The following SLC35F1 variants were observed in gnomAD, a reference collection of about 807,000 sequenced individuals.
The protein encoded by SLC35F1 is solute carrier family 35 member F1.
Under a neutral mutation model 48.7 loss-of-function variants are expected in SLC35F1, and 14 were observed. The ratio of observed to expected loss-of-function variants is 0.29; its 90% CI spans 0.19 to 0.45. The LOEUF is 0.45. Among genes scored for constraint, SLC35F1 ranks in the 20% least tolerant of loss-of-function variants. The pLI is 1.00. For synonymous variants in SLC35F1, 190 were observed against 202.2 expected (o/e 0.94, Z 0.51); for missense variants, 404 against 500.0 (o/e 0.81, Z 1.83).
At chr6:118,209,208 T>C (rs1774973310) in intron 2 of SLC35F1, among the ~76,000 whole-genome samples, 1 of 152,232 alleles carries the variant, frequency 6.6e-6, no homozygotes. Context: ...AAAAACAGTT[T>C]TCCCTGAGTC....
intron 1 of SLC35F1, among the ~76,000 whole-genome samples, chr6:117,923,594 T>TATGTATATATACATATAC (rs1775933728): frequency 6.1e-5 from 2 of 32,736 alleles, no homozygotes; most frequent in South Asian, 6.2e-3. Flanking sequence ...TATATATACA[T>TATGTATATATACATATAC]ATGTGTATAT....
At chr6:118,265,047 C>T (rs1039307064) in intron 3 of SLC35F1, among the ~76,000 whole-genome samples, 4 of 152,246 alleles carry the variant, frequency 2.6e-5, no homozygotes, top group African/African-American at 9.6e-5. Flanking sequence ...TCCTTCCTCA[C>T]CTTATCATCT....
At chr6:117,967,767 A>G (rs1206162601) in intron 1 of SLC35F1, among the ~76,000 whole-genome samples, 1 of 152,214 alleles carries the variant, frequency 6.6e-6, no homozygotes, top group African/African-American at 2.4e-5. Context: ...ACAGCTACCA[A>G]GAAAGGGTGA....
At chr6:117,927,610 A>G (rs1303994694) in intron 1 of SLC35F1, among the ~76,000 whole-genome samples, 2 of 152,176 alleles carry the variant, frequency 1.3e-5, no homozygotes, top group Admixed American at 1.3e-4. Flanking sequence ...CTGGAAGCTG[A>G]TGAAAGTAGG....
intron 2 of SLC35F1, among the ~76,000 whole-genome samples, chr6:118,224,091 A>T (rs1775185478): frequency 6.6e-6 from 1 of 152,242 alleles, no homozygotes; most frequent in Non-Finnish European, 1.5e-5. Flanking sequence ...CTTGTCATTA[A>T]AAAGGACAAA....
chr6:118,139,410 C>A (rs1172882606), intron 1 of SLC35F1, among the ~76,000 whole-genome samples: 4 of 152,132 alleles, frequency 2.6e-5, no homozygotes, highest in Non-Finnish European at 5.9e-5. Flanking sequence ...CCGCGCCCAG[C>A]CTTTAAAACT....
At chr6:118,129,059 T>A (rs544366917) in intron 1 of SLC35F1, among the ~76,000 whole-genome samples, 69 of 152,246 alleles carry the variant, frequency 4.5e-4, no homozygotes, top group African/African-American at 1.7e-3. Flanking sequence ...AGAGGCAAGG[T>A]GCTTGGAAGG....
intron 3 of SLC35F1, among the ~76,000 whole-genome samples, chr6:118,246,433 G>A (rs192301214): frequency 6.6e-6 from 1 of 152,286 alleles, no homozygotes; most frequent in East Asian, 1.9e-4. Flanking sequence ...TTACAATGCA[G>A]TGTGAAATAT....
At chr6:117,991,779 C>T (rs1168055129) in intron 1 of SLC35F1, among the ~76,000 whole-genome samples, 1 of 152,150 alleles carries the variant, frequency 6.6e-6, no homozygotes, top group Non-Finnish European at 1.5e-5. Flanking sequence ...AAACTTGTCT[C>T]ACTTGATAGA....
intron 3 of SLC35F1, among the ~76,000 whole-genome samples, chr6:118,239,107 T>C (rs1775404085): frequency 6.6e-6 from 1 of 151,690 alleles, no homozygotes; most frequent in Admixed American, 6.6e-5. Context: ...TTTTTAGCTC[T>C]ATTTGCAGTC....
chr6:118,110,899 T>G (rs753906719), intron 1 of SLC35F1, among the ~76,000 whole-genome samples: 1 of 152,022 alleles, frequency 6.6e-6, no homozygotes, highest in African/African-American at 2.4e-5. Flanking sequence ...GGTGCTGAAG[T>G]TGGCTTTTTC....
intron 2 of SLC35F1, among the ~76,000 whole-genome samples, chr6:118,163,903 A>G (rs1774277587): frequency 6.6e-6 from 1 of 152,268 alleles, no homozygotes; most frequent in African/African-American, 2.4e-5. Flanking sequence ...CATTAAATCA[A>G]AGACTCAGCA....
At chr6:118,233,407 C>T (rs538651627) in intron 2 of SLC35F1, among the ~76,000 whole-genome samples, 4 of 152,308 alleles carry the variant, frequency 2.6e-5, no homozygotes, top group Non-Finnish European at 4.4e-5. Flanking sequence ...TCAAAGACTG[C>T]CAAAATGATC....
chr6:117,907,874 C>T lies in SLC35F1; in HGVS notation c.148C>T (p.Gln50Ter). 6.6e-7 allele frequency: 1 copy of T among 1,508,244 alleles called. No homozygotes were observed. The allele number at this position is 1,508,244 out of a possible 1,614,324, so 93.4% of individuals were successfully genotyped here. ...CGCCTCCTCCCGGGCTGGCGTGCGC[C>T]AGAGGATCCGCAAAGTGCTGAACAG... ...LSASSRAGVR[Q>*]RIRKVLNREM... The change falls in exon 1 of 8, where the codon CAG becomes TAG. Residue 50 changes from glutamine to a stop codon, truncating the protein, a stop_gained. Coordinates refer to ENST00000360388, the MANE Select transcript of SLC35F1 (RefSeq NM_001029858.4). LOFTEE classifies it high-confidence loss of function.
chr6:118,141,278 C>G (rs1248789067), intron 1 of SLC35F1, among the ~76,000 whole-genome samples: 1 of 152,144 alleles, frequency 6.6e-6, no homozygotes, highest in Non-Finnish European at 1.5e-5. Flanking sequence ...AAATACTTAC[C>G]ATTGTGTTAC....
intron 1 of SLC35F1, among the ~76,000 whole-genome samples, chr6:118,116,997 C>A (rs1773484315): frequency 6.6e-6 from 1 of 152,154 alleles, no homozygotes; most frequent in South Asian, 2.1e-4. Context: ...CACAAGGCAG[C>A]ATATTCTAAT....
At chr6:118,020,339 T>A (rs1419566107) in intron 1 of SLC35F1, among the ~76,000 whole-genome samples, 1 of 152,218 alleles carries the variant, frequency 6.6e-6, no homozygotes, top group Non-Finnish European at 1.5e-5. Context: ...GTACTTATTA[T>A]ACAGAAGTAA....
intron 2 of SLC35F1, among the ~76,000 whole-genome samples, chr6:118,181,490 G>C (rs1212455713): frequency 2.0e-5 from 3 of 151,988 alleles, no homozygotes; most frequent in African/African-American, 7.2e-5. Context: ...AATAAAATGA[G>C]GGAGGGAAAT....
intron 1 of SLC35F1, among the ~76,000 whole-genome samples, chr6:118,090,800 A>T (rs1172445182): frequency 6.6e-6 from 1 of 152,364 alleles, no homozygotes; most frequent in African/African-American, 2.4e-5. Context: ...TAATACTTTA[A>T]GAAATACTCT....
Sources: gnomAD v4.1 joint callset for allele counts (sites outside exome capture counted in the v4.1 genomes callset) on GRCh38, gnomAD v4.1.1 for gene constraint, MANE v1.5 for transcripts, NCBI Gene and HGNC (gene_info 2026-07-23, HGNC 2026-07-21) for gene names.